The following AGO2 variants were observed in gnomAD, a reference collection of about 807,000 sequenced individuals.
AGO2 encodes protein argonaute-2.
A neutral mutation model predicts 102.3 loss-of-function variants in AGO2; 5 were observed. The observed-to-expected ratio is 0.05, with a 90% confidence interval of 0.03 to 0.10. The LOEUF is 0.10. Among genes scored for constraint, AGO2 ranks in the 10% least tolerant of loss-of-function variants. The pLI is 1.00. For missense variants in AGO2, 541 were observed against 1,183.7 expected, an observed-to-expected ratio of 0.46 and a Z score of 7.97; for synonymous variants, 449 against 473.1, an observed-to-expected ratio of 0.95 and a Z score of 0.66.
intron 1 of AGO2, among the ~76,000 whole-genome samples, chr8:140,628,710 A>G (rs571449129): frequency 1.3e-5 from 2 of 151,972 alleles, no homozygotes; most frequent in Non-Finnish European, 2.9e-5. Context: ...GGCTGCAGTG[A>G]GCCATGACTG....
intron 10 of AGO2, among the ~76,000 whole-genome samples, chr8:140,553,824 G>A (rs899097587): frequency 2.0e-5 from 3 of 152,222 alleles, no homozygotes; most frequent in South Asian, 2.1e-4. Context: ...TCAGTCTCCC[G>A]AGTAGCTGGG....
intron 16 of AGO2, among the ~76,000 whole-genome samples, chr8:140,536,452 G>A (rs935838764): frequency 6.7e-6 from 1 of 150,124 alleles, no homozygotes. Context: ...TCGGCCTCCC[G>A]AGTGGCTGGG....
intron 1 of AGO2, among the ~76,000 whole-genome samples, chr8:140,602,854 G>A (rs976420041): frequency 6.6e-6 from 1 of 152,196 alleles, no homozygotes; most frequent in Non-Finnish European, 1.5e-5. Flanking sequence ...ATATCCAGGA[G>A]TGTTTGCTTC....
chr8:140,541,254 C>T lies in AGO2; in HGVS notation c.1944G>A (p.Glu648=). The change falls in exon 15 of 19, where the codon GAG becomes GAA. Residue 648 remains glutamate (E), a synonymous_variant. Transcript: ENST00000220592. ...TGGACTTGTAGAACTGGATGAGGAG[C>T]TCGCGGACCATGGCGGCCAGGTCTT... The part of the protein sequence containing the change: ...IIQDLAAMVR[E]LLIQFYKSTR... 1.9e-6 allele frequency: 3 copies of T among 1,612,908 alleles called. No homozygotes were observed. Among genetic ancestry groups the T allele is most frequent in the Non-Finnish European group, 1.7e-6 (2 of 1,179,590 alleles).
At chr8:140,615,998 G>C (rs1045464352) in intron 1 of AGO2, among the ~76,000 whole-genome samples, 8 of 152,150 alleles carry the variant, frequency 5.3e-5, no homozygotes, top group African/African-American at 1.9e-4. Context: ...GAATCAATGC[G>C]TACCCTGTCA....
At chr8:140,555,634 G>A in intron 10 of AGO2, 1 of 446,190 alleles carries the variant, frequency 2.2e-6, no homozygotes, top group Admixed American at 4.1e-5. Flanking sequence ...GTCACACACA[G>A]AATGGTGCTC....
intron 1 of AGO2, among the ~76,000 whole-genome samples, chr8:140,609,709 A>T (rs1315991989): frequency 2.0e-5 from 3 of 152,204 alleles, no homozygotes; most frequent in Non-Finnish European, 4.4e-5. Context: ...TTCAGCATCT[A>T]GAAGAAGGCC....
chr8:140,545,355 G>A lies in AGO2; in HGVS notation c.1749-1052C>T, dbSNP rs532549153. On this transcript the variant is annotated intron_variant, in intron 13 of 18. Coordinates refer to ENST00000220592, the MANE Select transcript of AGO2 (RefSeq NM_012154.5). ...CCTCAGGCCTCGCTGCGTCTGGCCC[G>A]CTGCAGGACACACTTCCCTTGGTGC... Among the ~76,000 whole-genome samples the A allele has an allele frequency of 3.1e-3, 478 of 152,242 alleles. 1 individual carries two copies. Among genetic ancestry groups the A allele is most frequent in the Middle Eastern group, 6.8e-3 (2 of 294 alleles).
chr8:140,564,185 G>A (rs868128481), intron 3 of AGO2, among the ~76,000 whole-genome samples: 1 of 152,178 alleles, frequency 6.6e-6, no homozygotes, highest in Admixed American at 6.5e-5. Context: ...GCCGCAGCAC[G>A]ATTCCTTCCA....
At chr8:140,639,480 G>GA (rs36037273), upstream of AGO2, among the ~76,000 whole-genome samples, 255 of 139,854 alleles carry the variant, frequency 1.8e-3, 2 homozygotes, top group East Asian at 0.015. Flanking sequence ...AACTCCATCT[G>GA]AAAAAAAAAA....
intron 12 of AGO2, among the ~76,000 whole-genome samples, chr8:140,548,371 C>T (rs1171527678): frequency 6.6e-6 from 1 of 151,494 alleles, no homozygotes; most frequent in Admixed American, 6.6e-5. Context: ...CACCACGGCG[C>T]CCTGGCTGTA....
chr8:140,566,942 G>A (rs190835478), intron 3 of AGO2, among the ~76,000 whole-genome samples: 3 of 152,312 alleles, frequency 2.0e-5, no homozygotes, highest in Admixed American at 6.5e-5. Flanking sequence ...GGGAGAGCGC[G>A]TGCATTTCCA....
chr8:140,596,802 G>A (rs1440154232), intron 1 of AGO2, among the ~76,000 whole-genome samples: 1 of 152,190 alleles, frequency 6.6e-6, no homozygotes, highest in Non-Finnish European at 1.5e-5. Context: ...GAGCAGCAGG[G>A]GAGAGGCAAG....
intron 2 of AGO2, 40 bp downstream of exon 2, chr8:140,585,079 C>T (rs751657746): frequency 5.1e-6 from 8 of 1,580,412 alleles, no homozygotes; most frequent in Non-Finnish European, 6.9e-6. Context: ...TCTGTCCGCG[C>T]AGACCACTTA....
chr8:140,570,922 G>A (rs1054451740), intron 3 of AGO2, among the ~76,000 whole-genome samples: 5 of 152,118 alleles, frequency 3.3e-5, no homozygotes, highest in East Asian at 1.9e-4. Flanking sequence ...CCTGATGCCC[G>A]CCTTGTGTGT....
intron 12 of AGO2, 26 bp downstream of exon 12, chr8:140,549,088 C>G: frequency 1.3e-6 from 2 of 1,572,672 alleles, no homozygotes; most frequent in Non-Finnish European, 1.7e-6. Flanking sequence ...CGGCTCCCCA[C>G]AGCCAGCGGG....
At chr8:140,549,768 T>C (rs1230402745) in intron 11 of AGO2, among the ~76,000 whole-genome samples, 3 of 152,216 alleles carry the variant, frequency 2.0e-5, no homozygotes, top group Non-Finnish European at 4.4e-5. Context: ...GTAGTTCTGA[T>C]GGGCATAACT....
At chr8:140,561,543 A>G (rs1436793214) in intron 4 of AGO2, among the ~76,000 whole-genome samples, 3 of 152,144 alleles carry the variant, frequency 2.0e-5, no homozygotes, top group African/African-American at 7.2e-5. Context: ...GCCTTCCTCC[A>G]CCGATAGTTC....
At chr8:140,621,334 G>A (rs970776886) in intron 1 of AGO2, among the ~76,000 whole-genome samples, 2 of 152,140 alleles carry the variant, frequency 1.3e-5, no homozygotes, top group Non-Finnish European at 2.9e-5. Context: ...GCACTTGCTT[G>A]CACTGGAGAC....
Sources: gnomAD v4.1 joint callset for allele counts (sites outside exome capture counted in the v4.1 genomes callset) on GRCh38, gnomAD v4.1.1 for gene constraint, MANE v1.5 for transcripts, NCBI Gene and HGNC (gene_info 2026-07-23, HGNC 2026-07-21) for gene names.